The following HEXA variants were observed in gnomAD, a reference collection of about 807,000 sequenced individuals.
HEXA encodes the protein hexosaminidase subunit alpha, also known as beta-hexosaminidase subunit alpha.
HEXA carries 54 observed loss-of-function variants against 73.3 expected under a neutral mutation model. The ratio of observed to expected loss-of-function variants is 0.74; its 90% CI spans 0.59 to 0.92. The LOEUF is 0.92. HEXA is among the 40% of genes least tolerant of loss of function. The pLI, the probability that HEXA is intolerant of heterozygous loss-of-function variation, is 0.00. For missense variants in HEXA, 649 were observed against 653.0 expected (o/e 0.99, Z 0.07); for synonymous variants, 230 against 246.9 (o/e 0.93, Z 0.64).
chr15:72,342,314 C>G lies in HEXA; in HGVS notation c.*1763G>C, dbSNP rs2088561218. ...GCTTGTCTACCTCCCACCAGGACCT[C>G]GAAGGAACATGACCCAGGGGCTGAA... is the stretch of plus-strand genomic sequence containing the variant. On this transcript the variant is annotated 3_prime_UTR_variant, in exon 14 of 14. Coordinates refer to ENST00000268097, the MANE Select transcript of HEXA (RefSeq NM_000520.6). 2 of 152,156 alleles carry G rather than the reference C, an allele frequency of 1.3e-5. No homozygotes were observed. The highest frequency in any genetic ancestry group is 1.3e-4 in the Admixed American group (2 of 15,284). 9.4% of individuals were successfully genotyped at this position (152,156 alleles called of 1,614,324 possible).
At chr15:72,355,457 C>A in intron 3 of HEXA, 102 bp downstream of exon 3, 1 of 830,024 alleles carries the variant, frequency 1.2e-6, no homozygotes, top group Non-Finnish European at 2.1e-6. Flanking sequence ...GCCTAGGAGG[C>A]AGAGGTTGCA....
At chr15:72,371,912 G>A (rs2088999385) in intron 1 of HEXA, among the ~76,000 whole-genome samples, 1 of 152,172 alleles carries the variant, frequency 6.6e-6, no homozygotes, top group Non-Finnish European at 1.5e-5. Flanking sequence ...TGGAGAAGGG[G>A]GGCAGGATTA....
In HEXA at chr15:72,341,828, A is replaced by C. The variant is rs1216780785; in HGVS notation, c.*2249T>G. The C allele has an allele frequency of 6.6e-6, 1 of 152,224 alleles. No individual in the cohort carries two copies. Among genetic ancestry groups the C allele is most frequent in the East Asian group, 1.9e-4 (1 of 5,194 alleles). The allele number at this position is 152,224 out of a possible 1,614,324, so 9.4% of individuals were successfully genotyped here. On this transcript the variant is annotated 3_prime_UTR_variant, in exon 14 of 14. Coordinates refer to ENST00000268097, the MANE Select transcript of HEXA (RefSeq NM_000520.6). ...AAGGAGCAACGGTGGAGGGTGAGGA[A>C]CAGCACACTTTACCAATGAAAGTCG...
In HEXA at chr15:72,355,590, G is replaced by A. The variant is rs1595803351; in HGVS notation, c.381C>T (p.Leu127=). 1 of 1,611,172 alleles carries A rather than the reference G, an allele frequency of 6.2e-7. No individual in the cohort carries two copies. Among genetic ancestry groups the A allele is most frequent in the African/African-American group, 1.3e-5 (1 of 74,918 alleles). ...TLTINDDQCL[L]LSETVWGALR... ...GAGCTCCCCAGACAGTCTCAGAGAG[G>A]AGTAAACACTGGTCATCATTTATGG... Residue 127 remains leucine (L), a synonymous_variant, in exon 3 of 14, where the codon CTC becomes CTT. Transcript: ENST00000268097.
At position 72,346,685 on chromosome 15, in the gene HEXA, A is replaced by C; in HGVS notation, c.1172T>G (p.Val391Gly). 1.2e-6 allele frequency: 2 copies of C among 1,614,118 alleles called. No individual in the cohort carries two copies. The highest frequency in any genetic ancestry group is 1.7e-6 in the Non-Finnish European group (2 of 1,180,036). Reference sequence around the variant, plus strand: ...GTTCACTGGAATATCCTCTCGCCACACCTGTATGATTGTGTCTGGCTGAAT... The same window carrying C: ...GTTCACTGGAATATCCTCTCGCCACCCCTGTATGATTGTGTCTGGCTGAAT... ...VKIQPDTIIQ[V>G]WREDIPVNYM... The change falls in exon 11 of 14, where the codon GTG becomes GGG. Residue 391 changes from valine to glycine, a missense_variant. Coordinates refer to ENST00000268097, the MANE Select transcript of HEXA (RefSeq NM_000520.6).
chr15:72,375,635 T>C (rs1302236419), intron 1 of HEXA, 85 bp downstream of exon 1: 5 of 1,504,034 alleles, frequency 3.3e-6, no homozygotes, highest in South Asian at 1.2e-5. Context: ...CAAAAGCCCA[T>C]AGGGCGTCTC....
In HEXA at chr15:72,343,170, G is replaced by A. The variant is rs1338131108; in HGVS notation, c.*907C>T. 2.6e-5 allele frequency: 4 copies of A among 152,154 alleles called. No individual in the cohort carries two copies. The highest frequency in any genetic ancestry group is 7.2e-5 in the African/African-American group (3 of 41,414). 9.4% of individuals were successfully genotyped at this position (152,154 alleles called of 1,614,324 possible). ...CAGGAGGTGGAGCTTGCAGTGAGTC[G>A]AGATCGTGCCACTGCACTCCAGCCT... On this transcript the variant is annotated 3_prime_UTR_variant, in exon 14 of 14. Coordinates refer to ENST00000268097, the MANE Select transcript of HEXA (RefSeq NM_000520.6).
chr15:72,346,668 G>A lies in HEXA; in HGVS notation c.1189C>T (p.Pro397Ser), dbSNP rs778878211. Reference sequence around the variant, plus strand: ...TCCAGCTCCTTCATATAGTTCACTGGAATATCCTCTCGCCACACCTGTATG... The same window carrying A: ...TCCAGCTCCTTCATATAGTTCACTGAAATATCCTCTCGCCACACCTGTATG... ...TIIQVWREDIPVNYMKELELV... is the reference protein window; with the variant it reads ...TIIQVWREDISVNYMKELELV... Residue 397 changes from proline to serine, a missense_variant, in exon 11 of 14, where the codon CCA becomes TCA. Physicochemically the swap from Pro to Ser is moderately conservative, Grantham distance 74 (BLOSUM62 -1). Coordinates refer to ENST00000268097, the MANE Select transcript of HEXA (RefSeq NM_000520.6). 15 of 1,614,120 alleles carry A rather than the reference G, an allele frequency of 9.3e-6. 1 individual carries two copies. In the South Asian group the frequency reaches 1.2e-4, roughly 13 times the overall value.
intron 1 of HEXA, among the ~76,000 whole-genome samples, chr15:72,365,292 T>G (rs965779306): frequency 6.6e-6 from 1 of 152,104 alleles, no homozygotes; most frequent in African/African-American, 2.4e-5. Flanking sequence ...GTAGAGACGA[T>G]GTTTCACCAT....
At chr15:72,350,728 G>A in intron 6 of HEXA, 78 bp from the exon 7 acceptor site, 1 of 1,551,842 alleles carries the variant, frequency 6.4e-7, no homozygotes, top group Non-Finnish European at 8.9e-7. Context: ...ATGCCCACAA[G>A]ACTCCCCAGA....
At chr15:72,370,507 A>C (rs1005301103) in intron 1 of HEXA, 9 of 395,962 alleles carry the variant, frequency 2.3e-5, no homozygotes, top group Non-Finnish European at 4.0e-5. Context: ...CCTGGGCAAC[A>C]CAGTAAGACC....
intron 1 of HEXA, among the ~76,000 whole-genome samples, chr15:72,374,847 C>T (rs1395995322): frequency 6.6e-6 from 1 of 152,078 alleles, no homozygotes; most frequent in Non-Finnish European, 1.5e-5. Context: ...TTTTCCCCAC[C>T]CTCATCCCTC....
chr15:72,348,174 C>G, intron 8 of HEXA, 40 bp from the exon 9 acceptor site: 1 of 1,404,876 alleles, frequency 7.1e-7, no homozygotes, highest in Non-Finnish European at 1.0e-6. Context: ...CTTTCAACAT[C>G]CTGAAAGCCT....
At chr15:72,345,849 C>T in intron 12 of HEXA, 1 of 528,024 alleles carries the variant, frequency 1.9e-6, no homozygotes, top group Admixed American at 3.2e-5. Context: ...CAGCAGAGGT[C>T]CTTAAAATGT....
intron 12 of HEXA, chr15:72,345,763 C>A: frequency 1.5e-6 from 1 of 647,020 alleles, no homozygotes. Flanking sequence ...GTAGCAATCC[C>A]ACTCTCTTCC....
At chr15:72,370,818 T>G (rs969109424) in intron 1 of HEXA, 2 of 392,580 alleles carry the variant, frequency 5.1e-6, no homozygotes, top group African/African-American at 4.1e-5. Flanking sequence ...ACACTTATTT[T>G]GCCCTTCAAC....
In HEXA at chr15:72,355,541, T is replaced by A. The variant is rs1220880031; in HGVS notation, c.412+18A>T. 3 of 1,561,492 alleles carry A rather than the reference T, an allele frequency of 1.9e-6. No homozygotes were observed. Among genetic ancestry groups the A allele is most frequent in the East Asian group, 2.2e-5 (1 of 44,620 alleles). On this transcript the variant is annotated intron_variant, in intron 3 of 13. Coordinates refer to ENST00000268097, the MANE Select transcript of HEXA (RefSeq NM_000520.6). Reference sequence around the variant, plus strand: ...ATCATCCTTTCTCTCTCTCTTTTAATCAGCCCCAATTTGTTACCTCGGAGA... The same window carrying A: ...ATCATCCTTTCTCTCTCTCTTTTAAACAGCCCCAATTTGTTACCTCGGAGA...
Position 72,375,701 on chromosome 15 carries a change from C to T in HEXA, c.253+19G>A, listed in dbSNP as rs370680843. On this transcript the variant is annotated intron_variant, in intron 1 of 13. Coordinates refer to ENST00000268097, the MANE Select transcript of HEXA (RefSeq NM_000520.6). ...GCACTCTCAGGGCCCAGGAACAGGG[C>T]GGGACAAGTCCGACTCACCTGTGAG... The T allele has an allele frequency of 6.8e-6, 11 of 1,613,808 alleles. No homozygotes were observed. Among genetic ancestry groups the T allele is most frequent in the South Asian group, 3.3e-5 (3 of 91,074 alleles).
At chr15:72,367,385 T>C (rs1039865631) in intron 1 of HEXA, among the ~76,000 whole-genome samples, 1 of 152,154 alleles carries the variant, frequency 6.6e-6, no homozygotes, top group African/African-American at 2.4e-5. Context: ...CCCTCCAACC[T>C]AACTCCCACT....
Sources: gnomAD v4.1 joint callset for allele counts (sites outside exome capture counted in the v4.1 genomes callset) on GRCh38, gnomAD v4.1.1 for gene constraint, MANE v1.5 for transcripts, NCBI Gene and HGNC (gene_info 2026-07-23, HGNC 2026-07-21) for gene names.